The following PLEKHG1 variants were observed in gnomAD, a reference collection of about 807,000 sequenced individuals.
PLEKHG1 encodes the protein pleckstrin homology and RhoGEF domain containing G1, also known as pleckstrin homology domain-containing family G member 1.
Under a neutral mutation model 100.8 loss-of-function variants are expected in PLEKHG1, and 44 were observed. That is an observed-to-expected ratio of 0.44 (90% CI 0.34 to 0.56). The LOEUF is 0.56. Ranked by LOEUF, PLEKHG1 falls within the 20% of genes least tolerant of loss-of-function variation. The probability of loss-of-function intolerance (pLI) is 0.01; values close to 1 mark genes in which losing one functional copy is unlikely to be tolerated. For synonymous variants in PLEKHG1, 640 were observed against 662.5 expected (o/e 0.97, Z 0.52); for missense variants, 1,545 against 1,720.9 (o/e 0.90, Z 1.81).
intron 3 of PLEKHG1, among the ~76,000 whole-genome samples, chr6:150,665,636 T>TAAAAAG (rs1779368234): frequency 8.1e-6 from 1 of 123,466 alleles, no homozygotes; most frequent in African/African-American, 2.7e-5. Context: ...TCTCAAAAAA[T>TAAAAAG]AAAAATAAAA....
intron 15 of PLEKHG1, among the ~76,000 whole-genome samples, chr6:150,833,784 A>G (rs904974693): frequency 4.3e-4 from 66 of 152,336 alleles, no homozygotes; most frequent in African/African-American, 1.6e-3. Context: ...GTATCAAATG[A>G]GAGGAGTCTA....
chr6:150,797,145 G>A (rs1027643712), intron 5 of PLEKHG1, among the ~76,000 whole-genome samples: 5 of 151,872 alleles, frequency 3.3e-5, no homozygotes, highest in African/African-American at 9.7e-5. Context: ...CACCCCACCA[G>A]ACTTTGAGTT....
chr6:150,763,885 G>T (rs567410888), intron 2 of PLEKHG1, among the ~76,000 whole-genome samples: 1 of 152,316 alleles, frequency 6.6e-6, no homozygotes, highest in African/African-American at 2.4e-5. Flanking sequence ...AAGTGACGAA[G>T]AGAGAGGAGC....
rs111879611 is a variant in PLEKHG1, at chr6:150,767,699, T to G, written c.412-939T>G. 4.5e-4 allele frequency among the ~76,000 whole-genome samples: 68 copies of G among 152,330 alleles called. 1 individual carries two copies. The highest frequency in any genetic ancestry group is 1.4e-3 in the African/African-American group (57 of 41,566). The stretch of plus-strand genomic sequence containing the variant: ...GTTGGACATTGGAATGCGGCTGCGG[T>G]GCTGGGATTTTCATGGTCTGCTTGG... On this transcript the variant is annotated intron_variant, in intron 2 of 15. Coordinates refer to ENST00000358517, the Ensembl canonical transcript of PLEKHG1.
intron 3 of PLEKHG1, among the ~76,000 whole-genome samples, chr6:150,771,814 G>A (rs556723589): frequency 6.6e-6 from 1 of 152,258 alleles, no homozygotes; most frequent in African/African-American, 2.4e-5. Context: ...AGGGCATAAA[G>A]AAATGGTATT....
At chr6:150,712,154 G>A (rs943993080) in intron 3 of PLEKHG1, among the ~76,000 whole-genome samples, 5 of 152,126 alleles carry the variant, frequency 3.3e-5, no homozygotes, top group African/African-American at 4.8e-5. Context: ...CTGAGGGATC[G>A]GGGACAACAT....
chr6:150,659,539 A>T (rs1047360884), intron 3 of PLEKHG1, among the ~76,000 whole-genome samples: 1 of 152,214 alleles, frequency 6.6e-6, no homozygotes, highest in African/African-American at 2.4e-5. Context: ...GCATATGTAT[A>T]CAATGCCTGC....
At chr6:150,651,645 G>A (rs563928272) in intron 3 of PLEKHG1, among the ~76,000 whole-genome samples, 10 of 151,582 alleles carry the variant, frequency 6.6e-5, no homozygotes, top group Admixed American at 3.9e-4. Flanking sequence ...GATCACTTGC[G>A]ATGAGGAGTT....
intron 3 of PLEKHG1, among the ~76,000 whole-genome samples, chr6:150,713,570 A>G (rs1362067330): frequency 3.9e-5 from 6 of 152,120 alleles, no homozygotes; most frequent in Admixed American, 1.3e-4. Context: ...GGGGAAGAAG[A>G]CTGATTGTGA....
intron 2 of PLEKHG1, 25 bp from the exon 4 acceptor site, chr6:150,768,613 G>A (rs1201612158): frequency 7.9e-7 from 1 of 1,270,142 alleles, no homozygotes. Context: ...GAGTGTTTAA[G>A]GCATCCTTCT....
rs541954184 is a variant in PLEKHG1, at chr6:150,831,523, C to G, written c.2412C>G (p.Pro804=). The change falls in exon 15 of 16, where the codon CCC becomes CCG. Residue 804 remains proline, a synonymous_variant. Coordinates refer to ENST00000358517, the Ensembl canonical transcript of PLEKHG1. This position sits in a 1 kb window ranked among gnomAD's most constrained non-coding sequence, Gnocchi z 4.1. ...AAGCCCCTTACCATCAGGCCACTCCCGATCATGGTTATCTGAGTTTGCTGT... is the reference window on the plus strand; with the variant it reads ...AAGCCCCTTACCATCAGGCCACTCCGGATCATGGTTATCTGAGTTTGCTGT... The G allele has an allele frequency of 6.2e-7, 1 of 1,614,066 alleles. No individual in the cohort carries two copies. The highest frequency in any genetic ancestry group is 8.5e-7 in the Non-Finnish European group (1 of 1,179,966).
In PLEKHG1 at chr6:150,610,641, A is replaced by G. The variant is rs9478766; in HGVS notation, c.-204+10624A>G. Among the ~76,000 whole-genome samples, 110 of 152,346 alleles carry G rather than the reference A, an allele frequency of 7.2e-4. 1 individual carries two copies. The highest frequency in any genetic ancestry group is 6.7e-3 in the Admixed American group (102 of 15,302). ...AAGAGGAAGGAAAAAAAAGAGCAGG[A>G]AAAGGAAGGAAAGCAAAGAAAAACC... On this transcript the variant is annotated intron_variant, in intron 1 of 3. Coordinates refer to the PLEKHG1 transcript ENST00000367326.
chr6:150,775,704 T>A (rs1245899244), intron 3 of PLEKHG1, among the ~76,000 whole-genome samples: 1 of 152,236 alleles, frequency 6.6e-6, no homozygotes, highest in Non-Finnish European at 1.5e-5. Context: ...ACGCTTTTTC[T>A]TCTCCTTGCA....
chr6:150,789,683 A>G (rs769931386), intron 4 of PLEKHG1, among the ~76,000 whole-genome samples: 113 of 152,244 alleles, frequency 7.4e-4, no homozygotes, highest in Non-Finnish European at 1.6e-4. Flanking sequence ...TTGTAAGGAA[A>G]GTCAACTTGA....
intron 11 of PLEKHG1, 128 bp from the exon 13 acceptor site, chr6:150,819,551 G>C (rs548873447): frequency 2.1e-6 from 1 of 476,634 alleles, no homozygotes; most frequent in East Asian, 3.5e-5. Flanking sequence ...GGGTGACAGA[G>C]CAAGACTCTG....
At chr6:150,808,763 A>G (rs712217) in intron 7 of PLEKHG1, among the ~76,000 whole-genome samples, 36,892 of 151,970 alleles carry the variant, frequency 0.24, 4,785 homozygotes, top group Non-Finnish European at 0.31. Flanking sequence ...AGAAAACAAA[A>G]CAAAACAAAG....
intron 3 of PLEKHG1, among the ~76,000 whole-genome samples, chr6:150,674,628 CCT>C (rs35289522): frequency 1.9e-5 from 1 of 51,848 alleles, no homozygotes; most frequent in Non-Finnish European, 3.9e-5. Context: ...TTCTCTCTCT[CCT>C]CCCTCTCTCT....
At chr6:150,750,399 C>T (rs189184989) in intron 2 of PLEKHG1, among the ~76,000 whole-genome samples, 20 of 152,264 alleles carry the variant, frequency 1.3e-4, no homozygotes, top group Admixed American at 2.6e-4. Flanking sequence ...TCTCTGGGGC[C>T]GGGGTCCGTT....
chr6:150,792,700 C>T (rs1041027232), intron 4 of PLEKHG1, among the ~76,000 whole-genome samples: 2 of 148,468 alleles, frequency 1.3e-5, no homozygotes, highest in African/African-American at 4.9e-5. Context: ...CAAAAAAAAA[C>T]CACACCACTT....
Sources: allele counts gnomAD v4.1 joint callset (sites outside exome capture counted in the v4.1 genomes callset), GRCh38; gene constraint gnomAD v4.1.1; non-coding constraint Gnocchi (gnomAD v3.1); transcripts MANE v1.5; gene names NCBI Gene and HGNC (gene_info 2026-07-23, HGNC 2026-07-21).